The following KRABD3 variants were observed in gnomAD, a reference collection of about 807,000 sequenced individuals.
KRABD3 encodes KRAB domain containing 3, also known as KRAB domain-containing protein 3.
chr7:149,729,200 AG>A, the KRABD3 span: 1 of 1,552,016 alleles, frequency 6.4e-7, no homozygotes, highest in Non-Finnish European at 8.7e-7. Flanking sequence ...CTGAGGGCTG[AG>A]GCCTGCGAGT....
chr7:149,719,631 G>A, the KRABD3 span: 12 of 1,609,282 alleles, frequency 7.5e-6, no homozygotes, highest in Admixed American at 3.4e-5. This position sits in a 1 kb window ranked among gnomAD's most constrained non-coding sequence, Gnocchi z 5.6. Flanking sequence ...GAGTTCTACC[G>A]AGACGTGATG....
the KRABD3 span, chr7:149,715,025 C>T: frequency 1.6e-6 from 2 of 1,229,014 alleles, no homozygotes; most frequent in Non-Finnish European, 2.0e-6. Context: ...CGCCGGAAAC[C>T]GAGGAGTGGC....
At chr7:149,722,887 C>T in the KRABD3 span, 5 of 1,613,698 alleles carry the variant, frequency 3.1e-6, no homozygotes, top group South Asian at 1.1e-5. Context: ...CTTCTTGCCA[C>T]CTCTCCCTAG....
At chr7:149,729,196 G>T in the KRABD3 span, 1 of 1,539,964 alleles carries the variant, frequency 6.5e-7, no homozygotes, top group Admixed American at 2.1e-5. Context: ...AGGACTGAGG[G>T]CTGAGGCCTG....
At chr7:149,726,075 C>T in the KRABD3 span, 1 of 1,601,384 alleles carries the variant, frequency 6.2e-7, no homozygotes, top group Non-Finnish European at 8.5e-7. Context: ...GCTGGGCCAG[C>T]CCGAGGCTGG....
At chr7:149,720,232 C>A in the KRABD3 span, 2 of 1,283,964 alleles carry the variant, frequency 1.6e-6, no homozygotes, top group South Asian at 1.4e-5. Flanking sequence ...ACCTCCCTGC[C>A]TCCCCTACTG....
chr7:149,723,240 A>C, the KRABD3 span, among the ~76,000 whole-genome samples: 1 of 152,174 alleles, frequency 6.6e-6, no homozygotes, highest in South Asian at 2.1e-4. Context: ...GTTGCTTTGC[A>C]TTGACGCCAG....
At chr7:149,724,647 C>G in the KRABD3 span, 1 of 1,515,300 alleles carries the variant, frequency 6.6e-7, no homozygotes, top group African/African-American at 1.4e-5. Context: ...GGCCTCCTCC[C>G]GCAGGGCCTG....
At chr7:149,731,078 C>T in the KRABD3 span, among the ~76,000 whole-genome samples, 2 of 152,106 alleles carry the variant, frequency 1.3e-5, no homozygotes, top group African/African-American at 4.8e-5. Context: ...GTCCCAGTTG[C>T]CTGGGAGAAA....
chr7:149,733,207 C>T, the KRABD3 span: 3 of 1,598,614 alleles, frequency 1.9e-6, no homozygotes, highest in South Asian at 2.2e-5. Flanking sequence ...TGGTTTTAGC[C>T]AAGACCCATG....
the KRABD3 span, chr7:149,719,487 C>T: frequency 2.0e-6 from 3 of 1,510,480 alleles, no homozygotes; most frequent in South Asian, 3.7e-5. This position sits in a 1 kb window ranked among gnomAD's most constrained non-coding sequence, Gnocchi z 5.6. Context: ...AGTGCAGGGA[C>T]AGCTAGGCTG....
At chr7:149,722,844 G>A in the KRABD3 span, 14 of 1,613,390 alleles carry the variant, frequency 8.7e-6, no homozygotes, top group East Asian at 3.1e-4. Context: ...AAATCCTTGT[G>A]CCTGGGCCCC....
the KRABD3 span, among the ~76,000 whole-genome samples, chr7:149,718,242 T>A: frequency 0.69 from 104,293 of 152,022 alleles, 36,917 homozygotes; most frequent in African/African-American, 0.87. Flanking sequence ...TCCTGTCTTT[T>A]TTAATTAATT....
At chr7:149,733,788 C>T in the KRABD3 span, 337 of 1,601,848 alleles carry the variant, frequency 2.1e-4, 1 homozygote, top group Middle Eastern at 3.5e-3. Context: ...CATGCTGCGC[C>T]GCCTGCACAC....
the KRABD3 span, chr7:149,720,075 A>G: frequency 6.4e-7 from 1 of 1,552,448 alleles, no homozygotes; most frequent in Non-Finnish European, 8.7e-7. Context: ...CTGTTGGGGG[A>G]GGGAGCCACG....
chr7:149,729,244 C>A, the KRABD3 span: 6 of 1,600,452 alleles, frequency 3.7e-6, no homozygotes, highest in Non-Finnish European at 5.1e-6. Context: ...GGGAGAAGCG[C>A]CCACCCGGAG....
the KRABD3 span, among the ~76,000 whole-genome samples, chr7:149,727,360 G>T: frequency 4.0e-4 from 61 of 152,334 alleles, no homozygotes; most frequent in African/African-American, 1.4e-3. Context: ...TGGGTTAGCC[G>T]CTTGGGTGTG....
the KRABD3 span, chr7:149,724,729 A>G: frequency 6.4e-7 from 1 of 1,552,832 alleles, no homozygotes; most frequent in Non-Finnish European, 8.7e-7. Context: ...GATGGAGAAC[A>G]GCTGGGTCCA....
chr7:149,715,308 A>G, the KRABD3 span: 1 of 1,217,612 alleles, frequency 8.2e-7, no homozygotes, highest in East Asian at 3.2e-5. Context: ...TTGTTTCGTT[A>G]CAAGTTATCC....
Sources: gnomAD v4.1 joint callset for allele counts (sites outside exome capture counted in the v4.1 genomes callset) on GRCh38, gnomAD v4.1.1 for gene constraint, Gnocchi (gnomAD v3.1) non-coding constraint, MANE v1.5 for transcripts, NCBI Gene and HGNC (gene_info 2026-07-23, HGNC 2026-07-21) for gene names.